Variants in SAMHD1 observed in about 807,000 individuals in gnomAD.
SAMHD1 encodes the protein deoxynucleoside triphosphate triphosphohydrolase SAMHD1.
SAMHD1 carries 54 observed loss-of-function variants against 79.6 expected under a neutral mutation model. The ratio of observed to expected loss-of-function variants is 0.68; its 90% CI spans 0.55 to 0.85. The LOEUF is 0.85. Ranked by LOEUF, SAMHD1 falls within the 40% of genes least tolerant of loss-of-function variation. The probability of loss-of-function intolerance (pLI) is 0.00; values close to 1 mark genes in which losing one functional copy is unlikely to be tolerated. For missense variants in SAMHD1, 663 were observed against 782.7 expected (o/e 0.85, Z 1.82); for synonymous variants, 260 against 264.1 (o/e 0.98, Z 0.15).
At chr20:36,946,400 G>A (rs1190672744) in intron 2 of SAMHD1, 3 of 262,484 alleles carry the variant, frequency 1.1e-5, no homozygotes, top group East Asian at 2.0e-4. Flanking sequence ...GAGACAGAGC[G>A]AGACTCTGTC....
intron 15 of SAMHD1, 104 bp from the exon 16 acceptor site, chr20:36,893,170 G>T: frequency 7.0e-7 from 1 of 1,428,534 alleles, no homozygotes; most frequent in Non-Finnish European, 9.7e-7. Flanking sequence ...CTTGCATATA[G>T]ATTGCTTCTA....
At chr20:36,893,182 C>T in intron 15 of SAMHD1, 116 bp from the exon 16 acceptor site, 1 of 1,315,210 alleles carries the variant, frequency 7.6e-7, no homozygotes, top group African/African-American at 1.5e-5. Context: ...TTGCTTCTAG[C>T]TGTCCTCAAT....
At chr20:36,904,444 C>T (rs933395285) in intron 12 of SAMHD1, 195 bp from the exon 13 acceptor site, 5 of 559,878 alleles carry the variant, frequency 8.9e-6, no homozygotes, top group Non-Finnish European at 1.3e-5. Flanking sequence ...AGTGGCCAGG[C>T]GCAGTGGCTC....
intron 13 of SAMHD1, among the ~76,000 whole-genome samples, chr20:36,902,694 G>A (rs6102697): frequency 2.6e-5 from 4 of 151,924 alleles, no homozygotes; most frequent in Non-Finnish European, 5.9e-5. Context: ...AGAGAGTTGA[G>A]GGTAACTGCA....
intron 2 of SAMHD1, 84 bp downstream of exon 2, chr20:36,946,654 T>A: frequency 2.0e-6 from 2 of 987,922 alleles, no homozygotes; most frequent in Non-Finnish European, 3.2e-6. Context: ...TGAGGACAGT[T>A]TATATCAGAG....
In SAMHD1 at chr20:36,892,919, T is replaced by G; in HGVS notation, c.*13A>C. ...GCAGGAGAGGGAGTTTGTAAACAACTGACTACAGACATTCACATTGGGTCA... is the reference window on the plus strand; with the variant it reads ...GCAGGAGAGGGAGTTTGTAAACAACGGACTACAGACATTCACATTGGGTCA... On this transcript the variant is annotated 3_prime_UTR_variant, in exon 16 of 16. Transcript: ENST00000646673. The G allele has an allele frequency of 6.2e-7, 1 of 1,614,098 alleles. No individual in the cohort carries two copies. Among genetic ancestry groups the G allele is most frequent in the Admixed American group, 1.7e-5 (1 of 60,012 alleles).
intron 2 of SAMHD1, 152 bp downstream of exon 2, chr20:36,946,574 AAAACAAATGAAC>A (rs2063688020): frequency 1.7e-6 from 1 of 603,188 alleles, no homozygotes; most frequent in African/African-American, 1.9e-5. Context: ...ACTATCTCAA[AAAACAAATGAAC>A]AAACAAAACC....
chr20:36,940,977 T>G, intron 3 of SAMHD1, 62 bp downstream of exon 3: 1 of 1,257,000 alleles, frequency 8.0e-7, no homozygotes, highest in Non-Finnish European at 1.2e-6. Flanking sequence ...CAAAATGAAT[T>G]TTACATAATT....
chr20:36,910,048 C>A (rs981406669), intron 11 of SAMHD1, among the ~76,000 whole-genome samples: 2 of 151,784 alleles, frequency 1.3e-5, no homozygotes, highest in African/African-American at 4.8e-5. Flanking sequence ...CAAGGTGAAA[C>A]CCCATCTCTA....
intron 13 of SAMHD1, among the ~76,000 whole-genome samples, chr20:36,900,906 T>C (rs1568760842): frequency 1.3e-5 from 2 of 152,092 alleles, no homozygotes; most frequent in African/African-American, 4.8e-5. Context: ...AAGGAGAATA[T>C]TGAATGTTCC....
intron 14 of SAMHD1, 111 bp from the exon 15 acceptor site, chr20:36,898,070 C>T (rs942507752): frequency 2.6e-5 from 35 of 1,370,878 alleles, no homozygotes; most frequent in Middle Eastern, 3.9e-4. Context: ...ATCTCCCTGT[C>T]ACCCAGGCTG....
At chr20:36,916,217 T>C (rs1055855950) in intron 9 of SAMHD1, among the ~76,000 whole-genome samples, 1 of 152,170 alleles carries the variant, frequency 6.6e-6, no homozygotes, top group African/African-American at 2.4e-5. Context: ...ATTCCAACTC[T>C]ACCACTTGTT....
At chr20:36,930,634 T>C in intron 5 of SAMHD1, 126 bp downstream of exon 5, 2 of 762,664 alleles carry the variant, frequency 2.6e-6, no homozygotes, top group South Asian at 2.7e-5. Flanking sequence ...ACATTTATAC[T>C]AACATCAACT....
At chr20:36,928,687 GAA>G (rs1231569445) in intron 5 of SAMHD1, among the ~76,000 whole-genome samples, 1 of 127,772 alleles carries the variant, frequency 7.8e-6, no homozygotes. Flanking sequence ...TCTGTCTCGG[GAA>G]AAAAAAAAAA....
chr20:36,900,437 G>A (rs900266728), intron 13 of SAMHD1, among the ~76,000 whole-genome samples: 2 of 151,956 alleles, frequency 1.3e-5, no homozygotes, highest in African/African-American at 4.8e-5. Context: ...GTAGAGACGG[G>A]GTTTCACCAT....
At chr20:36,903,197 G>A (rs1338741672) in intron 13 of SAMHD1, among the ~76,000 whole-genome samples, 2 of 152,174 alleles carry the variant, frequency 1.3e-5, no homozygotes, top group African/African-American at 4.8e-5. Flanking sequence ...TTTACAGGGA[G>A]GGCAGTTTTG....
chr20:36,911,096 TA>T lies in SAMHD1; in HGVS notation c.1270+121del, dbSNP rs1371839903. The T allele has an allele frequency of 4.7e-6, 3 of 636,470 alleles. No individual in the cohort carries two copies. In the African/African-American group the frequency reaches 5.6e-5, roughly 12 times the overall value. 39.4% of individuals were successfully genotyped at this position (636,470 alleles called of 1,614,324 possible). A position where few individuals can be genotyped will look rare whatever the true frequency, so the allele number is the denominator to read the frequency against. ...TAGTGAGACCCTTTCTTTATTTTTT[TA>T]AAATTAAATAATTATCTTTAAAAAT... On this transcript the variant is annotated intron_variant, in intron 11 of 15. Coordinates refer to ENST00000646673, the MANE Select transcript of SAMHD1 (RefSeq NM_015474.4).
chr20:36,938,645 G>C (rs566108468), intron 3 of SAMHD1, among the ~76,000 whole-genome samples: 3 of 152,072 alleles, frequency 2.0e-5, no homozygotes, highest in African/African-American at 7.2e-5. Context: ...GACCATCCTA[G>C]CTAACGCGGT....
chr20:36,905,492 G>GA lies in SAMHD1; in HGVS notation c.1281dup (p.Leu428SerfsTer8). On this transcript the variant is annotated frameshift_variant, in exon 12 of 16. Transcript: ENST00000646673. LOFTEE classifies it high-confidence loss of function. ...GGATCAGTAGAGTATAAAATCTCCA[G>GA]AAAAATGTTATCTGCCAATTTAATG... 2 of 1,609,890 alleles carry GA rather than the reference G, an allele frequency of 1.2e-6. No individual in the cohort carries two copies. Among genetic ancestry groups the GA allele is most frequent in the Non-Finnish European group, 1.7e-6 (2 of 1,176,360 alleles).
Sources: allele counts gnomAD v4.1 joint callset (sites outside exome capture counted in the v4.1 genomes callset), GRCh38; gene constraint gnomAD v4.1.1; transcripts MANE v1.5; gene names NCBI Gene and HGNC (gene_info 2026-07-23, HGNC 2026-07-21).